TACC2: variants seen among roughly 807,000 people sequenced by gnomAD.
TACC2 encodes the protein transforming acidic coiled-coil containing protein 2.
TACC2 carries 137 observed loss-of-function variants against 227.3 expected under a neutral mutation model. The observed-to-expected ratio is 0.60, with a 90% CI of 0.52 to 0.69. The LOEUF (loss-of-function observed/expected upper bound fraction) is 0.69, where lower values mean the gene tolerates loss of function less well. Ranked by LOEUF, TACC2 falls within the 30% of genes least tolerant of loss-of-function variation. The pLI is 0.00. For synonymous variants in TACC2, 1,523 were observed against 1,487.5 expected (o/e 1.02, Z -0.55); for missense variants, 3,470 against 3,694.4 (o/e 0.94, Z 1.57).
At chr10:122,222,264 G>C (rs2095537076) in intron 11 of TACC2, among the ~76,000 whole-genome samples, 1 of 152,212 alleles carries the variant, frequency 6.6e-6, no homozygotes, top group Non-Finnish European at 1.5e-5. Context: ...TGAAAACCAA[G>C]TTCAGGAAGA....
intron 5 of TACC2, among the ~76,000 whole-genome samples, chr10:122,103,532 T>G (rs1345167105): frequency 6.6e-6 from 1 of 152,232 alleles, no homozygotes; most frequent in African/African-American, 2.4e-5. Context: ...TTAAATTACC[T>G]TTTTGGTGTT....
chr10:122,008,863 A>G (rs11200322), intron 1 of TACC2, among the ~76,000 whole-genome samples: 73,850 of 152,132 alleles, frequency 0.49, 18,043 homozygotes, highest in South Asian at 0.64. Context: ...ATGAGCCACC[A>G]TGCCCAGCCG....
In TACC2 at chr10:122,061,381, G is replaced by C. The variant is rs181200736; in HGVS notation, c.146+10831G>C. Among the ~76,000 whole-genome samples the C allele has an allele frequency of 5.1e-3, 782 of 152,084 alleles. 7 individuals are homozygous for C. The highest frequency in any genetic ancestry group is 0.013 in the African/African-American group (522 of 41,490). On this transcript the variant is annotated intron_variant, in intron 3 of 22. Coordinates refer to ENST00000369005, the MANE Select transcript of TACC2 (RefSeq NM_206862.4). ...CTGGGCAGGTGGGACCATATGCTGAGATGTGAAAAGCACTAAGGTCAGGTG... is the reference window on the plus strand; with the variant it reads ...CTGGGCAGGTGGGACCATATGCTGACATGTGAAAAGCACTAAGGTCAGGTG...
intron 16 of TACC2, among the ~76,000 whole-genome samples, chr10:122,235,621 C>G (rs2095842705): frequency 6.6e-6 from 1 of 152,264 alleles, no homozygotes; most frequent in East Asian, 1.9e-4. Context: ...CATTTTTCAG[C>G]TACTTCCTGA....
intron 2 of TACC2, among the ~76,000 whole-genome samples, chr10:122,042,851 A>G (rs1483907202): frequency 6.6e-6 from 1 of 152,200 alleles, no homozygotes; most frequent in Non-Finnish European, 1.5e-5. Context: ...TAGCATGAAA[A>G]TGAGTGGATA....
At chr10:122,114,830 C>G (rs2084345061) in intron 5 of TACC2, among the ~76,000 whole-genome samples, 1 of 152,214 alleles carries the variant, frequency 6.6e-6, no homozygotes, top group South Asian at 2.1e-4. Context: ...GGAACCTAGA[C>G]AGGATTAGCC....
intron 5 of TACC2, among the ~76,000 whole-genome samples, chr10:122,132,048 G>GAA (rs770006077): frequency 4.7e-5 from 1 of 21,320 alleles, no homozygotes; most frequent in Non-Finnish European, 1.0e-4. Flanking sequence ...AAGAAAGAAA[G>GAA]AAAGAAAGAA....
At position 122,217,335 on chromosome 10, in the gene TACC2, T is replaced by TCAGAAATGGG. The variant is rs112976610; in HGVS notation, c.7546+519_7546+528dup. Among the ~76,000 whole-genome samples the TCAGAAATGGG allele has an allele frequency of 1.4e-3, 212 of 152,028 alleles. 1 individual carries two copies. The highest frequency in any genetic ancestry group is 4.9e-3 in the African/African-American group (203 of 41,488). On this transcript the variant is annotated intron_variant, in intron 11 of 22. Transcript: ENST00000369005. ...TTGCTGAGAGGGCATGATTCCCTCC[T>TCAGAAATGGG]CAGAAATGGGCAGAAATGGGCTCCG...
At chr10:122,143,826 GC>G in intron 7 of TACC2, 120 bp downstream of exon 7, 2 of 1,145,126 alleles carry the variant, frequency 1.7e-6, no homozygotes, top group Non-Finnish European at 2.4e-6. Context: ...TGACCATTTG[GC>G]CCCGTGAGAC....
At chr10:122,028,437 C>T (rs1023219897) in intron 2 of TACC2, among the ~76,000 whole-genome samples, 2 of 152,100 alleles carry the variant, frequency 1.3e-5, no homozygotes, top group African/African-American at 4.8e-5. Context: ...CATATAGATC[C>T]AGCATATATT....
intron 7 of TACC2, among the ~76,000 whole-genome samples, chr10:122,178,444 T>C (rs926331587): frequency 1.3e-5 from 2 of 152,002 alleles, no homozygotes; most frequent in African/African-American, 4.8e-5. Flanking sequence ...CTCATGTTGG[T>C]CAGGCTGCTC....
At chr10:122,008,368 C>G (rs1197583263) in intron 1 of TACC2, among the ~76,000 whole-genome samples, 1 of 151,442 alleles carries the variant, frequency 6.6e-6, no homozygotes, top group Non-Finnish European at 1.5e-5. Flanking sequence ...TCAAGCGATT[C>G]TCCTGCCTCA....
intron 6 of TACC2, among the ~76,000 whole-genome samples, chr10:122,142,528 T>C (rs2090759351): frequency 2.0e-5 from 3 of 152,322 alleles, no homozygotes; most frequent in South Asian, 4.1e-4. Context: ...TGCTAGCCTG[T>C]CAGGTGGACC....
In TACC2 at chr10:122,172,623, C is replaced by T. The variant is rs575441563; in HGVS notation, c.5835-22417C>T. 1.1e-4 allele frequency among the ~76,000 whole-genome samples: 16 copies of T among 152,326 alleles called. No individual in the cohort carries two copies. The South Asian group carries it at 2.9e-3, about 28-fold the overall frequency. ...AACTTTACTTTAGGGAAAACATCTG[C>T]GCACATTTAGATCCTGCATGGAACT... is the stretch of plus-strand genomic sequence containing the variant. On this transcript the variant is annotated intron_variant, in intron 7 of 22. Transcript: ENST00000369005.
intron 16 of TACC2, among the ~76,000 whole-genome samples, chr10:122,234,620 A>T (rs1009033677): frequency 3.3e-5 from 5 of 152,238 alleles, no homozygotes; most frequent in African/African-American, 1.2e-4. Context: ...CTCTGAAGTC[A>T]TCTGTTCCTT....
At chr10:122,012,241 G>A (rs902979594) in intron 1 of TACC2, among the ~76,000 whole-genome samples, 3 of 151,778 alleles carry the variant, frequency 2.0e-5, no homozygotes, top group African/African-American at 4.8e-5. Context: ...CAAACATGGT[G>A]AAACCCCATC....
At chr10:122,239,089 C>T (rs935001000) in intron 18 of TACC2, among the ~76,000 whole-genome samples, 9 of 151,900 alleles carry the variant, frequency 5.9e-5, no homozygotes, top group African/African-American at 4.8e-5. Flanking sequence ...CTATAACCTC[C>T]GCCTCCCGGG....
At chr10:122,229,550 A>G (rs1211735922) in intron 15 of TACC2, 64 bp downstream of exon 15, 2 of 1,582,118 alleles carry the variant, frequency 1.3e-6, no homozygotes, top group Non-Finnish European at 1.7e-6. Context: ...TGAACCCCCG[A>G]GGCCCAAATG....
chr10:122,104,041 T>C lies in TACC2; in HGVS notation c.5573+15450T>C, dbSNP rs1028980304. ...GTCCTTATCTAGAAGGCATTGTCTATGAAGGCAAGGATGTTGTCTTTTCAC... is the reference window on the plus strand; with the variant it reads ...GTCCTTATCTAGAAGGCATTGTCTACGAAGGCAAGGATGTTGTCTTTTCAC... On this transcript the variant is annotated intron_variant, in intron 5 of 22. Transcript: ENST00000369005. Among the ~76,000 whole-genome samples the C allele has an allele frequency of 8.5e-5, 13 of 152,234 alleles. No homozygotes were observed. The South Asian group carries it at 1.9e-3, about 22-fold the overall frequency.
Sources: gnomAD v4.1 joint callset for allele counts (sites outside exome capture counted in the v4.1 genomes callset) on GRCh38, gnomAD v4.1.1 for gene constraint, MANE v1.5 for transcripts, NCBI Gene and HGNC (gene_info 2026-07-23, HGNC 2026-07-21) for gene names.